FAM83D: variants seen among roughly 807,000 people sequenced by gnomAD.
FAM83D encodes the protein protein FAM83D.
In FAM83D, 26 loss-of-function variants were observed where a neutral mutation model predicts 25.4. That is an observed-to-expected ratio of 1.02 (90% CI 0.75 to 1.42). The LOEUF (loss-of-function observed/expected upper bound fraction) is 1.42. Among genes scored for constraint, FAM83D ranks in the 40% most tolerant of loss-of-function variants. FAM83D has a pLI of 0.00. For missense variants in FAM83D, 740 were observed against 758.1 expected (o/e 0.98, Z 0.28); for synonymous variants, 310 against 318.5 (o/e 0.97, Z 0.28).
intron 1 of FAM83D, among the ~76,000 whole-genome samples, chr20:38,939,622 A>G (rs982457005): frequency 3.9e-5 from 6 of 152,164 alleles, no homozygotes; most frequent in African/African-American, 1.2e-4. Context: ...AAGCACTGGG[A>G]TTACAGGCAT....
At chr20:38,945,736 A>ACCCC (rs1337392005) in intron 2 of FAM83D, among the ~76,000 whole-genome samples, 3 of 70,910 alleles carry the variant, frequency 4.2e-5, no homozygotes, top group Non-Finnish European at 5.5e-5. Flanking sequence ...ACCTGCCCCC[A>ACCCC]CCCCCCCCCC....
intron 1 of FAM83D, among the ~76,000 whole-genome samples, chr20:38,930,304 C>T (rs1282985008): frequency 6.6e-6 from 1 of 152,174 alleles, no homozygotes; most frequent in Non-Finnish European, 1.5e-5. Flanking sequence ...AACCCTTGAC[C>T]TGAATTACCT....
At chr20:38,947,745 A>G in intron 2 of FAM83D, 131 bp from the exon 3 acceptor site, 1 of 1,023,256 alleles carries the variant, frequency 9.8e-7, no homozygotes, top group Non-Finnish European at 1.4e-6. Flanking sequence ...CTAAATGGTG[A>G]CCCTAAGCCA....
At chr20:38,945,746 C>G (rs1238969120) in intron 2 of FAM83D, among the ~76,000 whole-genome samples, 2 of 125,286 alleles carry the variant, frequency 1.6e-5, no homozygotes, top group East Asian at 5.1e-4. Context: ...ACCCCCCCCC[C>G]ACCACCCCAC....
At position 38,928,707 on chromosome 20, in the gene FAM83D, G is replaced by A. The variant is rs912958991; in HGVS notation, c.483+1782G>A. On this transcript the variant is annotated intron_variant, in intron 1 of 3. Coordinates refer to ENST00000619850, the MANE Select transcript of FAM83D (RefSeq NM_030919.3). ...GAAACTATTAAACTCACGTGCTGGC[G>A]TGAGGAGGGGATGGAGCCAGGAGCT... Among the ~76,000 whole-genome samples the A allele has an allele frequency of 2.0e-5, 3 of 152,220 alleles. 1 individual carries two copies. The highest frequency in any genetic ancestry group is 1.3e-4 in the Admixed American group (2 of 15,282).
chr20:38,937,393 A>G (rs2085683307), intron 1 of FAM83D, among the ~76,000 whole-genome samples: 2 of 152,166 alleles, frequency 1.3e-5, no homozygotes, highest in South Asian at 2.1e-4. Context: ...CATCAGGTGT[A>G]TTTCTGGACC....
At position 38,952,431 on chromosome 20, in the gene FAM83D, GA is replaced by G; in HGVS notation, c.1673del (p.Asn558ThrfsTer21). On this transcript the variant is annotated frameshift_variant, in exon 4 of 4. Coordinates refer to ENST00000619850, the MANE Select transcript of FAM83D (RefSeq NM_030919.3). LOFTEE classifies it low-confidence loss of function (END_TRUNC). ...AMLSRRTLFT[E>X]NHLGLHSGNF... The stretch of plus-strand genomic sequence containing the variant: ...GCTGTCAAGGAGAACACTCTTTACT[GA>G]AAACCACCTTGGCCTTCATTCTGGC... 1 of 1,614,182 alleles carries G rather than the reference GA, an allele frequency of 6.2e-7. No homozygotes were observed.
chr20:38,926,420 G>C lies in FAM83D; in HGVS notation c.-23G>C. The stretch of plus-strand genomic sequence containing the variant: ...GACTGCACGCCGGTTTTTGTCCGAG[G>C]GCTGTCGAGTCCGAGCGCCGCCATG... On this transcript the variant is annotated 5_prime_UTR_variant, in exon 1 of 4. Transcript: ENST00000619850. The C allele has an allele frequency of 6.3e-7, 1 of 1,597,150 alleles. No homozygotes were observed.
intron 1 of FAM83D, among the ~76,000 whole-genome samples, chr20:38,938,431 A>G (rs2085687600): frequency 6.6e-6 from 1 of 152,132 alleles, no homozygotes; most frequent in Non-Finnish European, 1.5e-5. Flanking sequence ...TTGACACTAG[A>G]TCCTCAGTGC....
chr20:38,930,944 T>A (rs931549546), intron 1 of FAM83D, among the ~76,000 whole-genome samples: 33 of 151,838 alleles, frequency 2.2e-4, no homozygotes, highest in African/African-American at 7.7e-4. Flanking sequence ...CCAATTTTTG[T>A]GTTTTTAGTA....
Position 38,951,602 on chromosome 20 carries a change from T to C in FAM83D, c.840T>C (p.Val280=). The change falls in exon 4 of 4, where the codon GTT becomes GTC. Residue 280 remains valine, a synonymous_variant. Transcript: ENST00000619850. ...TGGTAATTCTGTCTGGCCAAGTGGT[T>C]GAACACTTTGATCTGGAGTTCCGAA... The part of the protein sequence containing the change: ...SNLVILSGQV[V]EHFDLEFRIL... 1.2e-6 allele frequency: 2 copies of C among 1,614,218 alleles called. No individual in the cohort carries two copies. Among genetic ancestry groups the C allele is most frequent in the Non-Finnish European group, 1.7e-6 (2 of 1,180,042 alleles).
Position 38,941,970 on chromosome 20 carries a change from G to T in FAM83D, c.495G>T (p.Val165=), listed in dbSNP as rs1176783659. 6.2e-7 allele frequency: 1 copy of T among 1,613,898 alleles called. No homozygotes were observed. Among genetic ancestry groups the T allele is most frequent in the Non-Finnish European group, 8.5e-7 (1 of 1,180,012 alleles). The part of the protein sequence containing the change: ...QLRSAREVIA[V]VMDVFTDIDI... Reference sequence around the variant, plus strand: ...TGTTTCACCTGTAGGTGATTGCAGTGGTCATGGACGTGTTCACAGACATCG... The same window carrying T: ...TGTTTCACCTGTAGGTGATTGCAGTTGTCATGGACGTGTTCACAGACATCG... The change falls in exon 2 of 4, where the codon GTG becomes GTT. Residue 165 remains valine, a synonymous_variant. Transcript: ENST00000619850.
chr20:38,950,889 A>G (rs938104358), intron 3 of FAM83D, among the ~76,000 whole-genome samples: 1 of 152,090 alleles, frequency 6.6e-6, no homozygotes, highest in Admixed American at 6.6e-5. Flanking sequence ...GTGTGACCTC[A>G]GCTTACCGCA....
At chr20:38,944,198 A>G (rs940956679) in intron 2 of FAM83D, among the ~76,000 whole-genome samples, 5 of 152,228 alleles carry the variant, frequency 3.3e-5, no homozygotes, top group African/African-American at 1.2e-4. Context: ...ACTGCCTAAG[A>G]GACTCTAACT....
intron 1 of FAM83D, among the ~76,000 whole-genome samples, chr20:38,931,744 G>A (rs1054486847): frequency 1.2e-4 from 19 of 152,232 alleles, no homozygotes; most frequent in Admixed American, 9.8e-4. Flanking sequence ...AGCCTGAAGC[G>A]CTGGTTCTGG....
intron 1 of FAM83D, among the ~76,000 whole-genome samples, chr20:38,929,255 C>T (rs2085649180): frequency 6.6e-6 from 1 of 151,996 alleles, no homozygotes; most frequent in Non-Finnish European, 1.5e-5. Flanking sequence ...TTACTCATTG[C>T]CTGCTGTGTA....
chr20:38,931,798 A>G (rs1384982743), intron 1 of FAM83D, among the ~76,000 whole-genome samples: 2 of 152,256 alleles, frequency 1.3e-5, no homozygotes, highest in African/African-American at 4.8e-5. Context: ...AGAATCACTC[A>G]GTGTGTCTGA....
rs1462844923 is a variant in FAM83D at position 38,926,737 on chromosome 20, G to T, written c.295G>T (p.Gly99Cys). 6 of 1,532,012 alleles carry T rather than the reference G, an allele frequency of 3.9e-6. No homozygotes were observed. The African/African-American group carries it at 8.4e-5, about 21-fold the overall frequency. 94.9% of individuals were successfully genotyped at this position (1,532,012 alleles called of 1,614,324 possible). ...SFGSSHDCSSGTYFPEQSDLE... is the reference protein window; with the variant it reads ...SFGSSHDCSSCTYFPEQSDLE... ...CGGCTCCTCGCACGACTGCTCTTCG[G>T]GCACCTACTTCCCCGAGCAGTCGGA... The change falls in exon 1 of 4, where the codon GGC becomes TGC. Residue 99 changes from glycine (G) to cysteine (C), a missense_variant. By Grantham distance (159) the Gly-to-Cys change is radical. Around this residue, in one of 3 missense-constraint regions of FAM83D, gnomAD observed 333 missense variants for 298.6 expected, o/e 1.12. Coordinates refer to ENST00000619850, the MANE Select transcript of FAM83D (RefSeq NM_030919.3).
chr20:38,952,737 C>T lies in FAM83D; in HGVS notation c.*217C>T. ...TTTTATGGTTTAAACACTATGGATA[C>T]AGGGGTTTGTTTTGCACAATTTTAA... is the stretch of plus-strand genomic sequence containing the variant. On this transcript the variant is annotated 3_prime_UTR_variant, in exon 4 of 4. Transcript: ENST00000619850. 1.7e-6 allele frequency: 1 copy of T among 597,628 alleles called. No individual in the cohort carries two copies. Among genetic ancestry groups the T allele is most frequent in the South Asian group, 2.2e-5 (1 of 45,744 alleles). The allele number at this position is 597,628 out of a possible 1,614,324, so 37.0% of individuals were successfully genotyped here. A position where few individuals can be genotyped will look rare whatever the true frequency, so the allele number is the denominator to read the frequency against.
Sources: gnomAD v4.1 joint callset for allele counts (sites outside exome capture counted in the v4.1 genomes callset) on GRCh38, gnomAD v4.1.1 for gene constraint, gnomAD v4.1.1 regional missense constraint, MANE v1.5 for transcripts, NCBI Gene and HGNC (gene_info 2026-07-23, HGNC 2026-07-21) for gene names.